PRKCB: variants seen among roughly 807,000 people sequenced by gnomAD.
PRKCB encodes protein kinase C beta.
A neutral mutation model predicts 81.5 loss-of-function variants in PRKCB; 13 were observed. The observed-to-expected ratio is 0.16, with a 90% CI of 0.10 to 0.25. The LOEUF (loss-of-function observed/expected upper bound fraction) is 0.25. PRKCB is among the 10% of genes least tolerant of loss of function. The pLI, the probability that PRKCB is intolerant of heterozygous loss-of-function variation, is 1.00. For missense variants in PRKCB, 509 were observed against 875.7 expected, an observed-to-expected ratio of 0.58 and a Z score of 5.29; for synonymous variants, 335 against 321.4, an observed-to-expected ratio of 1.04 and a Z score of -0.45.
At chr16:24,185,697 A>G in intron 15 of PRKCB, 130 bp downstream of exon 15, 1 of 737,730 alleles carries the variant, frequency 1.4e-6, no homozygotes, top group Non-Finnish European at 2.3e-6. Flanking sequence ...TGCCAATATG[A>G]GAACCCTGAT....
chr16:23,926,633 ATG>A (rs1963900832), intron 2 of PRKCB, among the ~76,000 whole-genome samples: 1 of 150,918 alleles, frequency 6.6e-6, no homozygotes, highest in Non-Finnish European at 1.5e-5. Context: ...ATATGGTGGT[ATG>A]TGTGTCTATA....
At chr16:24,034,937 A>C (rs2141856925) in intron 4 of PRKCB, among the ~76,000 whole-genome samples, 1 of 152,326 alleles carries the variant, frequency 6.6e-6, no homozygotes. Flanking sequence ...CTTTCCAGGG[A>C]GCCCAACCTA....
At chr16:23,967,011 C>CTTT (rs1468696542) in intron 2 of PRKCB, among the ~76,000 whole-genome samples, 1 of 115,762 alleles carries the variant, frequency 8.6e-6, no homozygotes, top group South Asian at 3.4e-4. Flanking sequence ...CAGTGGTTTC[C>CTTT]ATTTTTTTTT....
intron 16 of PRKCB, 118 bp downstream of exon 16, chr16:24,191,348 G>T: frequency 8.5e-7 from 1 of 1,174,706 alleles, no homozygotes; most frequent in Non-Finnish European, 1.2e-6. Flanking sequence ...CTGGAACATG[G>T]GTGTATGTAT....
intron 12 of PRKCB, among the ~76,000 whole-genome samples, chr16:24,179,857 A>G (rs1401536691): frequency 2.6e-5 from 4 of 152,206 alleles, no homozygotes; most frequent in Non-Finnish European, 4.4e-5. Flanking sequence ...CTGAAATTTA[A>G]TCTGAAGAAC....
intron 2 of PRKCB, among the ~76,000 whole-genome samples, chr16:23,872,681 A>T (rs771479932): frequency 1.3e-5 from 2 of 152,196 alleles, no homozygotes; most frequent in Non-Finnish European, 2.9e-5. Context: ...AAAATAGAGC[A>T]AAGTGTAAAA....
At chr16:23,975,982 T>C (rs1964620100) in intron 2 of PRKCB, among the ~76,000 whole-genome samples, 1 of 152,208 alleles carries the variant, frequency 6.6e-6, no homozygotes, top group Non-Finnish European at 1.5e-5. Context: ...GGGGCATCTC[T>C]TGGCTCAGCT....
At chr16:23,946,757 A>AG (rs1469086629) in intron 2 of PRKCB, among the ~76,000 whole-genome samples, 2 of 152,048 alleles carry the variant, frequency 1.3e-5, no homozygotes, top group African/African-American at 4.8e-5. Context: ...AGGTCTGGGG[A>AG]GGGGCCGGGC....
chr16:24,065,373 T>G (rs1014329397), intron 5 of PRKCB, among the ~76,000 whole-genome samples: 4 of 151,994 alleles, frequency 2.6e-5, no homozygotes, highest in African/African-American at 7.2e-5. Context: ...TTGTTTTTAT[T>G]ATTTTTATAT....
intron 3 of PRKCB, among the ~76,000 whole-genome samples, chr16:24,019,715 G>T (rs1965334029): frequency 6.6e-6 from 1 of 151,444 alleles, no homozygotes; most frequent in Non-Finnish European, 1.5e-5. Context: ...AGTGAGCCGA[G>T]ATTGCACTGC....
At chr16:23,901,350 A>G (rs1173185276) in intron 2 of PRKCB, among the ~76,000 whole-genome samples, 3 of 152,114 alleles carry the variant, frequency 2.0e-5, no homozygotes. Flanking sequence ...CTTAAAAAAA[A>G]TCGTTAACTC....
At chr16:23,946,099 G>T (rs1964201443) in intron 2 of PRKCB, among the ~76,000 whole-genome samples, 1 of 152,190 alleles carries the variant, frequency 6.6e-6, no homozygotes, top group African/African-American at 2.4e-5. Flanking sequence ...GCTCAGAGGG[G>T]TTAAATAATG....
At chr16:24,082,570 T>G (rs188765342) in intron 5 of PRKCB, among the ~76,000 whole-genome samples, 1 of 152,160 alleles carries the variant, frequency 6.6e-6, no homozygotes, top group Non-Finnish European at 1.5e-5. Flanking sequence ...ATACGGCCTA[T>G]TGATTTTCAA....
intron 2 of PRKCB, among the ~76,000 whole-genome samples, chr16:23,879,078 T>A (rs1963063717): frequency 6.6e-6 from 1 of 151,954 alleles, no homozygotes; most frequent in Non-Finnish European, 1.5e-5. Context: ...CTCAGGAGGT[T>A]GAGGCAGGAG....
chr16:24,020,526 G>C (rs1965344047), intron 3 of PRKCB, among the ~76,000 whole-genome samples: 1 of 152,160 alleles, frequency 6.6e-6, no homozygotes, highest in African/African-American at 2.4e-5. Context: ...AAAATCAAGA[G>C]GTTTTATGTT....
At chr16:24,051,236 A>G (rs1596528716) in intron 5 of PRKCB, among the ~76,000 whole-genome samples, 1 of 152,176 alleles carries the variant, frequency 6.6e-6, no homozygotes, top group Admixed American at 6.5e-5. Flanking sequence ...ACGTGGCAGG[A>G]GCATTTGCTG....
At chr16:24,018,151 G>A (rs1965309927) in intron 3 of PRKCB, among the ~76,000 whole-genome samples, 3 of 151,942 alleles carry the variant, frequency 2.0e-5, no homozygotes, top group Admixed American at 6.6e-5. Context: ...CGCCCACCTC[G>A]GCCTCCCAAA....
At chr16:23,975,774 G>A (rs905147920) in intron 2 of PRKCB, among the ~76,000 whole-genome samples, 9 of 152,134 alleles carry the variant, frequency 5.9e-5, no homozygotes, top group Non-Finnish European at 1.2e-4. Context: ...AGGAACGTAC[G>A]AAGCACAAGA....
rs764466114 is a variant in PRKCB at position 24,220,033 on chromosome 16, A to C, written c.*5217A>C. On this transcript the variant is annotated 3_prime_UTR_variant, in exon 17 of 17. Transcript: ENST00000643927. ...GCCTGTGGAACTGACCCCCACTGAT[A>C]AACTCTTCATCATGAACTTGGACCA... 1 of 1,614,194 alleles carries C rather than the reference A, an allele frequency of 6.2e-7. No individual in the cohort carries two copies. Among genetic ancestry groups the C allele is most frequent in the South Asian group, 1.1e-5 (1 of 91,086 alleles).
Sources: allele counts gnomAD v4.1 joint callset (sites outside exome capture counted in the v4.1 genomes callset), GRCh38; gene constraint gnomAD v4.1.1; transcripts MANE v1.5; gene names NCBI Gene and HGNC (gene_info 2026-07-23, HGNC 2026-07-21).